DYNC2LI1: variants seen among roughly 807,000 people sequenced by gnomAD.
DYNC2LI1 encodes cytoplasmic dynein 2 light intermediate chain 1.
A neutral mutation model predicts 51.9 loss-of-function variants in DYNC2LI1; 45 were observed. The observed-to-expected ratio is 0.87, with a 90% CI of 0.68 to 1.11. The LOEUF is 1.11. Ranked by LOEUF, DYNC2LI1 falls within the 50% of genes most tolerant of loss-of-function variation. The probability of loss-of-function intolerance (pLI) is 0.00; values close to 1 mark genes in which losing one functional copy is unlikely to be tolerated. For missense variants in DYNC2LI1, 490 were observed against 417.4 expected (o/e 1.17, Z -1.51); for synonymous variants, 130 against 137.8 (o/e 0.94, Z 0.40).
chr2:43,811,393 T>C (rs951438061), downstream of DYNC2LI1, among the ~76,000 whole-genome samples: 13 of 152,194 alleles, frequency 8.5e-5, no homozygotes, highest in African/African-American at 3.1e-4. Flanking sequence ...TGAAATGATC[T>C]TTCCTATTTC....
the DYNC2LI1 span, among the ~76,000 whole-genome samples, chr2:43,822,340 T>G: frequency 6.6e-6 from 1 of 152,174 alleles, no homozygotes; most frequent in African/African-American, 2.4e-5. Flanking sequence ...TCATCCTCTC[T>G]GATGCTGCCC....
chr2:43,788,260 C>T (rs534494187), intron 4 of DYNC2LI1, among the ~76,000 whole-genome samples: 15 of 152,262 alleles, frequency 9.9e-5, no homozygotes, highest in African/African-American at 3.1e-4. Flanking sequence ...CAAATATGAA[C>T]AGCCAAACAA....
the DYNC2LI1 span, chr2:43,822,491 C>CT: frequency 1.1e-5 from 9 of 843,074 alleles, no homozygotes; most frequent in Non-Finnish European, 1.0e-5. Context: ...CCCCCCCATG[C>CT]ACCTGGGTCC....
chr2:43,826,063 C>A, the DYNC2LI1 span, among the ~76,000 whole-genome samples: 5 of 152,156 alleles, frequency 3.3e-5, no homozygotes, highest in Non-Finnish European at 7.3e-5. Flanking sequence ...GCAGCCTTGA[C>A]CTACTGGGCT....
At chr2:43,816,599 A>G in the DYNC2LI1 span, among the ~76,000 whole-genome samples, 1 of 152,282 alleles carries the variant, frequency 6.6e-6, no homozygotes, top group South Asian at 2.1e-4. Context: ...GCTGGAGTGC[A>G]GTGGCATGAT....
intron 2 of DYNC2LI1, among the ~76,000 whole-genome samples, chr2:43,780,136 G>T (rs760255095): frequency 6.6e-6 from 1 of 152,234 alleles, no homozygotes; most frequent in Non-Finnish European, 1.5e-5. Context: ...TTTCACTAAG[G>T]TCAAAGAGTT....
intron 8 of DYNC2LI1, 98 bp from the exon 9 acceptor site, chr2:43,800,743 C>G (rs767818263): frequency 1.0e-5 from 6 of 587,938 alleles, no homozygotes; most frequent in Non-Finnish European, 1.4e-5. Context: ...AACAGTGATT[C>G]TCTTTGTAAT....
rs749713577 is a variant in DYNC2LI1 at position 43,801,699 on chromosome 2, C to T, written c.792C>T (p.Phe264=). Residue 264 remains phenylalanine (F), a synonymous_variant, in exon 10 of 13, where the codon TTC becomes TTT. Transcript: ENST00000260605. ...TTATCACAGCAGGATTGGATTCTTT[C>T]GGTCAAATAGGTTAGTGAACTTATT... is the stretch of plus-strand genomic sequence containing the variant. The part of the protein sequence containing the change: ...PLFITAGLDS[F]GQIGSPPVPE... 26 of 1,608,028 alleles carry T rather than the reference C, an allele frequency of 1.6e-5. No homozygotes were observed. The highest frequency in any genetic ancestry group is 2.2e-5 in the Non-Finnish European group (26 of 1,176,740).
downstream of DYNC2LI1, chr2:43,810,402 A>G (rs540708859): frequency 3.0e-6 from 3 of 985,446 alleles, no homozygotes; most frequent in Non-Finnish European, 3.6e-6. Context: ...GAGATATCCT[A>G]TCAAGAAGCA....
At chr2:43,819,774 G>A in the DYNC2LI1 span, 25 of 886,432 alleles carry the variant, frequency 2.8e-5, no homozygotes, top group African/African-American at 5.0e-5. Context: ...AATGATTAAC[G>A]AGCAGTATAA....
At chr2:43,792,825 A>C (rs1249438513) in intron 5 of DYNC2LI1, 9 of 1,515,000 alleles carry the variant, frequency 5.9e-6, no homozygotes, top group Non-Finnish European at 7.9e-6. Flanking sequence ...AGTATGTGTC[A>C]GGATTTCCCT....
At position 43,775,854 on chromosome 2, in the gene DYNC2LI1, A is replaced by ATTTTTTT. The variant is rs57868887; in HGVS notation, c.9-904_9-898dup. 3.0e-4 allele frequency: 15 copies of ATTTTTTT among 50,442 alleles called. 3 individuals carry two copies. The highest frequency in any genetic ancestry group is 1.2e-3 in the African/African-American group (13 of 11,188). The allele number at this position is 50,442 out of a possible 1,614,324, so 3.1% of individuals were successfully genotyped here. On this transcript the variant is annotated intron_variant, in intron 1 of 12. Coordinates refer to ENST00000260605, the MANE Select transcript of DYNC2LI1 (RefSeq NM_016008.4). The stretch of plus-strand genomic sequence containing the variant: ...AGACACCCGCCACCACACCTGGCCA[A>ATTTTTTT]TTTTTTTTTTTTTTTTTTTTTTTTT...
the DYNC2LI1 span, chr2:43,824,165 G>T: frequency 2.5e-6 from 4 of 1,613,934 alleles, no homozygotes; most frequent in South Asian, 3.3e-5. Context: ...AATTGTTATT[G>T]GGGGATGGCT....
intron 6 of DYNC2LI1, 198 bp downstream of exon 6, chr2:43,794,841 CTT>C: frequency 6.9e-7 from 1 of 1,440,166 alleles, no homozygotes; most frequent in Non-Finnish European, 9.1e-7. Context: ...CTTATATCTT[CTT>C]GTTAGACATC....
At chr2:43,795,604 T>TA (rs1047676521) in intron 6 of DYNC2LI1, among the ~76,000 whole-genome samples, 14 of 149,004 alleles carry the variant, frequency 9.4e-5, no homozygotes, top group South Asian at 2.1e-4. Flanking sequence ...TAAAATAGAA[T>TA]AAAAAAAAAC....
In DYNC2LI1 at chr2:43,809,914, T is replaced by A; in HGVS notation, c.*147T>A. On this transcript the variant is annotated 3_prime_UTR_variant, in exon 13 of 13. Coordinates refer to ENST00000260605, the MANE Select transcript of DYNC2LI1 (RefSeq NM_016008.4). ...GCTGGATTTCTTGGACTAGTGCATC[T>A]CCCTGTATATCTTGAAGCTTTTTAA... The A allele has an allele frequency of 7.2e-7, 1 of 1,390,716 alleles. No homozygotes were observed. Among genetic ancestry groups the A allele is most frequent in the Non-Finnish European group, 9.3e-7 (1 of 1,071,402 alleles). 86.1% of individuals were successfully genotyped at this position (1,390,716 alleles called of 1,614,324 possible).
intron 2 of DYNC2LI1, among the ~76,000 whole-genome samples, chr2:43,778,824 A>T (rs1212710821): frequency 6.6e-6 from 1 of 152,150 alleles, no homozygotes; most frequent in Non-Finnish European, 1.5e-5. Context: ...GTTACTTGTG[A>T]AACCACCCCT....
the DYNC2LI1 span, among the ~76,000 whole-genome samples, chr2:43,821,608 A>G: frequency 5.9e-5 from 9 of 152,080 alleles, no homozygotes; most frequent in South Asian, 4.2e-4. Context: ...CCCTTAAGCA[A>G]TGGAAGGTGT....
rs13409245 is a variant in DYNC2LI1, at chr2:43,789,369, G to A, written c.232-264G>A. 4.4e-3 allele frequency among the ~76,000 whole-genome samples: 676 copies of A among 152,166 alleles called. 5 individuals carry two copies. Among genetic ancestry groups the A allele is most frequent in the African/African-American group, 0.015 (633 of 41,502 alleles). Reference sequence around the variant, plus strand: ...TACATATGTTATTTACAAGATTGACGCACTGTTGATGTCTTCTGTTTAGGT... The same window carrying A: ...TACATATGTTATTTACAAGATTGACACACTGTTGATGTCTTCTGTTTAGGT... On this transcript the variant is annotated intron_variant, in intron 4 of 12. Transcript: ENST00000260605.
Sources: allele counts gnomAD v4.1 joint callset (sites outside exome capture counted in the v4.1 genomes callset), GRCh38; gene constraint gnomAD v4.1.1; transcripts MANE v1.5; gene names NCBI Gene and HGNC (gene_info 2026-07-23, HGNC 2026-07-21).